The following FUT9 variants were observed in gnomAD, a reference collection of about 807,000 sequenced individuals.
The protein encoded by FUT9 is 4-galactosyl-N-acetylglucosaminide 3-alpha-L-fucosyltransferase 9.
A neutral mutation model predicts 29.7 loss-of-function variants in FUT9; 15 were observed. The observed-to-expected ratio is 0.51, with a 90% CI of 0.34 to 0.78. The LOEUF (loss-of-function observed/expected upper bound fraction) is 0.78. Among genes scored for constraint, FUT9 ranks in the 30% least tolerant of loss-of-function variants. The pLI, the probability that FUT9 is intolerant of heterozygous loss-of-function variation, is 0.01. For missense variants in FUT9, 319 were observed against 425.4 expected (o/e 0.75, Z 2.20); for synonymous variants, 169 against 153.7 (o/e 1.10, Z -0.74).
chr6:96,194,106 G>A (rs902566032), intron 2 of FUT9, among the ~76,000 whole-genome samples: 3 of 152,176 alleles, frequency 2.0e-5, no homozygotes, highest in African/African-American at 7.2e-5. Context: ...TAATGTAAAT[G>A]ACAAGTTAAT....
chr6:96,126,384 C>T (rs1422359620), intron 2 of FUT9, among the ~76,000 whole-genome samples: 1 of 152,186 alleles, frequency 6.6e-6, no homozygotes, highest in Admixed American at 6.5e-5. Flanking sequence ...CAAGAAGTCA[C>T]ACATTACTGC....
chr6:96,087,618 G>A (rs1020422606), intron 1 of FUT9, among the ~76,000 whole-genome samples: 3 of 151,942 alleles, frequency 2.0e-5, no homozygotes, highest in Non-Finnish European at 2.9e-5. Flanking sequence ...GCCCACCTCG[G>A]CCTCCCAAAG....
rs149085121 is a variant in FUT9 at position 96,064,688 on chromosome 6, T to C, written c.-98+48476T>C. Among the ~76,000 whole-genome samples the C allele has an allele frequency of 5.5e-3, 841 of 152,300 alleles. 4 individuals carry two copies. The highest frequency in any genetic ancestry group is 0.019 in the African/African-American group (802 of 41,564). ...TGATTTGTCCTCTATTCTTGGCTTA[T>C]TTGTAAGTAGCTTCTATTCAAACCA... On this transcript the variant is annotated intron_variant, in intron 1 of 2. Coordinates refer to ENST00000302103, the MANE Select transcript of FUT9 (RefSeq NM_006581.4).
intron 2 of FUT9, among the ~76,000 whole-genome samples, chr6:96,167,190 G>T (rs1435507038): frequency 2.0e-5 from 3 of 152,130 alleles, no homozygotes; most frequent in African/African-American, 7.2e-5. Context: ...CTATTTCTGG[G>T]ACTGGAAGTT....
intron 2 of FUT9, among the ~76,000 whole-genome samples, chr6:96,147,852 A>G (rs149711275): frequency 2.0e-5 from 3 of 150,748 alleles, no homozygotes; most frequent in African/African-American, 7.3e-5. Flanking sequence ...TCACAGCCAC[A>G]CTAGATAAAA....
intron 2 of FUT9, among the ~76,000 whole-genome samples, chr6:96,190,024 T>A (rs776055604): frequency 2.0e-5 from 3 of 152,222 alleles, no homozygotes; most frequent in African/African-American, 7.2e-5. Context: ...CAATATGGCA[T>A]GTTTTTGCAG....
chr6:96,135,893 G>A (rs567335928), intron 2 of FUT9, among the ~76,000 whole-genome samples: 3 of 151,218 alleles, frequency 2.0e-5, no homozygotes, highest in African/African-American at 7.3e-5. Context: ...TTCTTTCCAA[G>A]ACCAACACTG....
intron 2 of FUT9, among the ~76,000 whole-genome samples, chr6:96,148,791 A>T (rs1191322506): frequency 6.6e-6 from 1 of 152,190 alleles, no homozygotes; most frequent in Non-Finnish European, 1.5e-5. Flanking sequence ...GTACATGCGC[A>T]GAAATCCCAG....
chr6:96,133,820 A>G (rs1772296310), intron 2 of FUT9, among the ~76,000 whole-genome samples: 1 of 151,966 alleles, frequency 6.6e-6, no homozygotes, highest in Admixed American at 6.6e-5. Flanking sequence ...TCAAGTAAAT[A>G]ATAAATTTTG....
intron 1 of FUT9, among the ~76,000 whole-genome samples, chr6:96,046,103 T>G (rs1336027720): frequency 6.6e-6 from 1 of 152,052 alleles, no homozygotes; most frequent in Admixed American, 6.6e-5. Flanking sequence ...TCATGTGGAA[T>G]AGTATTCAGA....
intron 1 of FUT9, among the ~76,000 whole-genome samples, chr6:96,041,940 T>C (rs12195970): frequency 0.17 from 25,539 of 152,160 alleles, 2,630 homozygotes; most frequent in Non-Finnish European, 0.25. Context: ...CACATTTTTG[T>C]TCTCTCTCAT....
chr6:96,168,098 A>G (rs1013640055), intron 2 of FUT9, among the ~76,000 whole-genome samples: 10 of 152,196 alleles, frequency 6.6e-5, no homozygotes, highest in African/African-American at 2.4e-4. Context: ...TAGAGAAAGA[A>G]ACAAGTGGAG....
chr6:96,061,492 T>C (rs1770873966), intron 1 of FUT9, among the ~76,000 whole-genome samples: 1 of 151,850 alleles, frequency 6.6e-6, no homozygotes, highest in Non-Finnish European at 1.5e-5. Flanking sequence ...CAAAAATGCA[T>C]CAAACTGCTT....
At chr6:96,131,282 T>A (rs1325137525) in intron 2 of FUT9, among the ~76,000 whole-genome samples, 4 of 152,122 alleles carry the variant, frequency 2.6e-5, no homozygotes, top group African/African-American at 9.7e-5. Flanking sequence ...AATTCAACTA[T>A]CTAGCATTGT....
At chr6:96,172,645 C>T (rs933160331) in intron 2 of FUT9, among the ~76,000 whole-genome samples, 1 of 125,690 alleles carries the variant, frequency 8.0e-6, no homozygotes, top group Non-Finnish European at 1.8e-5. Context: ...GGAAAGGAAG[C>T]CCGTTATTGA....
chr6:96,080,766 C>T (rs1301295481), intron 1 of FUT9, among the ~76,000 whole-genome samples: 1 of 151,804 alleles, frequency 6.6e-6, no homozygotes, highest in Non-Finnish European at 1.5e-5. Flanking sequence ...TATCATCAGC[C>T]TTGGTATATC....
intron 1 of FUT9, among the ~76,000 whole-genome samples, chr6:96,047,558 T>C (rs1027742669): frequency 2.0e-5 from 3 of 152,168 alleles, no homozygotes; most frequent in African/African-American, 4.8e-5. Flanking sequence ...AGATAGTTAA[T>C]TACATTCATT....
intron 1 of FUT9, among the ~76,000 whole-genome samples, chr6:96,050,988 C>T (rs1250939563): frequency 1.4e-5 from 2 of 143,674 alleles, no homozygotes; most frequent in Non-Finnish European, 3.0e-5. Context: ...GCATTTGTGG[C>T]GTGGATCATG....
chr6:96,100,144 T>C (rs1334668865), intron 1 of FUT9, among the ~76,000 whole-genome samples: 2 of 152,016 alleles, frequency 1.3e-5, no homozygotes. Context: ...AGGTTGACCA[T>C]GATTTTCATT....
Sources: allele counts gnomAD v4.1 joint callset (sites outside exome capture counted in the v4.1 genomes callset), GRCh38; gene constraint gnomAD v4.1.1; transcripts MANE v1.5; gene names NCBI Gene and HGNC (gene_info 2026-07-23, HGNC 2026-07-21).